The following ANO2 variants were observed in gnomAD, a reference collection of about 807,000 sequenced individuals.
The protein encoded by ANO2 is anoctamin 2, also known as anoctamin-2.
Under a neutral mutation model 124.2 loss-of-function variants are expected in ANO2, and 101 were observed. The observed-to-expected ratio is 0.81, with a 90% CI of 0.69 to 0.96. The LOEUF is 0.96. ANO2 is among the 40% of genes least tolerant of loss of function. The probability of loss-of-function intolerance (pLI) is 0.00; values close to 1 mark genes in which losing one functional copy is unlikely to be tolerated. For synonymous variants in ANO2, 486 were observed against 482.5 expected (o/e 1.01, Z -0.09); for missense variants, 1,293 against 1,274.5 (o/e 1.01, Z -0.22).
chr12:5,866,815 A>G (rs574263551), intron 3 of ANO2, among the ~76,000 whole-genome samples: 96 of 152,244 alleles, frequency 6.3e-4, no homozygotes, highest in African/African-American at 2.1e-3. Context: ...CCATACTTTC[A>G]CCCAGGTTCG....
At chr12:5,867,507 C>T (rs1235674452) in intron 3 of ANO2, among the ~76,000 whole-genome samples, 2 of 152,150 alleles carry the variant, frequency 1.3e-5, no homozygotes, top group Non-Finnish European at 2.9e-5. Flanking sequence ...TACAGTGCTC[C>T]ACTGAGACTT....
rs184263176 is a variant in ANO2 at position 5,669,449 on chromosome 12, A to C, written c.1546-21648T>G. 3.6e-3 allele frequency among the ~76,000 whole-genome samples: 552 copies of C among 152,276 alleles called. 9 individuals are homozygous for C. Among genetic ancestry groups the C allele is most frequent in the Non-Finnish European group, 3.4e-3 (228 of 68,034 alleles). ...CTTAAGAAGTTTTGGGGCTGAGATG[A>C]TGGGGTTTTCTAGATATAGGAGCAT... On this transcript the variant is annotated intron_variant, in intron 14 of 24. Transcript: ENST00000682330.
intron 14 of ANO2, among the ~76,000 whole-genome samples, chr12:5,708,864 G>GT (rs1378880308): frequency 6.6e-6 from 1 of 152,178 alleles, no homozygotes; most frequent in Non-Finnish European, 1.5e-5. Flanking sequence ...GACTAGCCTA[G>GT]CTTCTCCTGT....
At chr12:5,721,229 C>G (rs1348877383) in intron 14 of ANO2, among the ~76,000 whole-genome samples, 1 of 151,998 alleles carries the variant, frequency 6.6e-6, no homozygotes, top group Non-Finnish European at 1.5e-5. Context: ...GCAGAGACGG[C>G]AATAAGAGAG....
At chr12:5,768,766 C>G (rs1951977166) in intron 10 of ANO2, among the ~76,000 whole-genome samples, 1 of 152,210 alleles carries the variant, frequency 6.6e-6, no homozygotes, top group Admixed American at 6.5e-5. Context: ...CCAAAACCAA[C>G]AGCAGGACCC....
chr12:5,647,028 T>C (rs1023480266), intron 15 of ANO2, among the ~76,000 whole-genome samples: 21 of 152,220 alleles, frequency 1.4e-4, no homozygotes, highest in African/African-American at 4.8e-4. Flanking sequence ...ACACACTCCT[T>C]TGTAAAGCAG....
chr12:5,883,279 A>G (rs1938631511), intron 3 of ANO2, among the ~76,000 whole-genome samples: 1 of 152,190 alleles, frequency 6.6e-6, no homozygotes. Context: ...TAGAGGACAC[A>G]TGTCCCCCAG....
At chr12:5,797,921 C>A (rs954543044) in intron 10 of ANO2, among the ~76,000 whole-genome samples, 1 of 152,196 alleles carries the variant, frequency 6.6e-6, no homozygotes, top group Non-Finnish European at 1.5e-5. Flanking sequence ...GGCAATACTT[C>A]CCCTGCAGGT....
At chr12:5,788,555 CTTTTGTTTTTGT>C (rs1011693634) in intron 10 of ANO2, among the ~76,000 whole-genome samples, 1 of 151,836 alleles carries the variant, frequency 6.6e-6, no homozygotes, top group African/African-American at 2.4e-5. Flanking sequence ...ATATGTTTGT[CTTTTGTTTTTGT>C]TTTTGTTTTT....
chr12:5,853,343 A>T (rs1038508261), intron 4 of ANO2, among the ~76,000 whole-genome samples: 19 of 103,222 alleles, frequency 1.8e-4, no homozygotes, highest in Non-Finnish European at 1.6e-4. Context: ...ATCCTGGATT[A>T]AAAAAAAAAA....
At chr12:5,700,825 A>G (rs1395615033) in intron 14 of ANO2, among the ~76,000 whole-genome samples, 2 of 151,868 alleles carry the variant, frequency 1.3e-5, no homozygotes, top group Non-Finnish European at 1.5e-5. Context: ...CTGCACGAGG[A>G]CTCCTCACGT....
chr12:5,806,013 C>T (rs1591637868), intron 9 of ANO2, 39 bp downstream of exon 9: 1 of 1,606,586 alleles, frequency 6.2e-7, no homozygotes. Context: ...CGTAGTCTCG[C>T]ATGCCCAAAG....
intron 16 of ANO2, among the ~76,000 whole-genome samples, chr12:5,624,419 G>A (rs1239539966): frequency 6.6e-6 from 1 of 152,118 alleles, no homozygotes; most frequent in African/African-American, 2.4e-5. Flanking sequence ...GACAAGGACA[G>A]GAGTGAGGAG....
chr12:5,735,287 C>G (rs908442625), intron 13 of ANO2, among the ~76,000 whole-genome samples: 1 of 152,190 alleles, frequency 6.6e-6, no homozygotes, highest in African/African-American at 2.4e-5. Context: ...CATCGAGACT[C>G]TGGGAACTGT....
intron 15 of ANO2, among the ~76,000 whole-genome samples, chr12:5,642,380 T>G (rs889437228): frequency 3.3e-5 from 5 of 152,170 alleles, no homozygotes; most frequent in Non-Finnish European, 7.3e-5. Flanking sequence ...GGCAACTGAG[T>G]TAAGGAATAA....
At chr12:5,869,140 A>G (rs1955506256) in intron 3 of ANO2, among the ~76,000 whole-genome samples, 1 of 152,082 alleles carries the variant, frequency 6.6e-6, no homozygotes, top group African/African-American at 2.4e-5. Context: ...GTCCAAATGG[A>G]AACTGTGGGT....
intron 12 of ANO2, among the ~76,000 whole-genome samples, chr12:5,740,685 T>G (rs1021164461): frequency 6.6e-6 from 1 of 152,094 alleles, no homozygotes; most frequent in Admixed American, 6.6e-5. Context: ...TGAAGGACAA[T>G]GGCATTTGGG....
intron 14 of ANO2, among the ~76,000 whole-genome samples, chr12:5,670,712 A>T (rs59165889): frequency 0.11 from 16,091 of 151,686 alleles, 1,152 homozygotes; most frequent in African/African-American, 0.2. Flanking sequence ...TTTTTTTTTA[A>T]AAAATGTTAT....
intron 17 of ANO2, among the ~76,000 whole-genome samples, chr12:5,614,747 GAGAATCCCAGAGC>G (rs1236579823): frequency 2.0e-5 from 3 of 152,202 alleles, no homozygotes; most frequent in African/African-American, 7.2e-5. Context: ...CCGGTGGCCT[GAGAATCCCAGAGC>G]TTGCCACTGG....
Sources: allele counts gnomAD v4.1 joint callset (sites outside exome capture counted in the v4.1 genomes callset), GRCh38; gene constraint gnomAD v4.1.1; transcripts MANE v1.5; gene names NCBI Gene and HGNC (gene_info 2026-07-23, HGNC 2026-07-21).